The following CNTNAP2 variants were observed in gnomAD, a reference collection of about 807,000 sequenced individuals.
CNTNAP2 encodes the protein contactin associated protein 2, also known as contactin-associated protein-like 2.
Under a neutral mutation model 155.2 loss-of-function variants are expected in CNTNAP2, and 98 were observed. The observed-to-expected ratio is 0.63, with a 90% CI of 0.54 to 0.75. The LOEUF is 0.75. Among genes scored for constraint, CNTNAP2 ranks in the 30% least tolerant of loss-of-function variants. The pLI, the probability that CNTNAP2 is intolerant of heterozygous loss-of-function variation, is 0.00. For synonymous variants in CNTNAP2, 651 were observed against 631.2 expected (o/e 1.03, Z -0.47); for missense variants, 1,727 against 1,688.1 (o/e 1.02, Z -0.40).
At chr7:146,484,958 A>T (rs1355701516) in intron 1 of CNTNAP2, among the ~76,000 whole-genome samples, 1 of 152,220 alleles carries the variant, frequency 6.6e-6, no homozygotes, top group African/African-American at 2.4e-5. Flanking sequence ...TGATAAGAAT[A>T]CAATGGCAAA....
chr7:147,560,307 A>G (rs916170821), intron 11 of CNTNAP2, among the ~76,000 whole-genome samples: 1 of 152,078 alleles, frequency 6.6e-6, no homozygotes, highest in Non-Finnish European at 1.5e-5. Flanking sequence ...TACCTTTTGA[A>G]TTACTTCCCT....
At chr7:148,161,273 T>G (rs1400772445) in intron 17 of CNTNAP2, among the ~76,000 whole-genome samples, 1 of 152,224 alleles carries the variant, frequency 6.6e-6, no homozygotes, top group Non-Finnish European at 1.5e-5. Context: ...GTTCTGTGTC[T>G]TCAGCGCTGC....
intron 1 of CNTNAP2, among the ~76,000 whole-genome samples, chr7:146,336,164 A>C (rs1338411715): frequency 4.7e-5 from 7 of 150,166 alleles, no homozygotes; most frequent in Non-Finnish European, 1.0e-4. Flanking sequence ...ACACCATTGC[A>C]CTCCAGCCTG....
rs756765232 is a variant in CNTNAP2, at chr7:147,639,242, T to A, written c.2034T>A (p.Ser678Arg). Reference protein sequence around the residue: ...SMDQISAITDSAEYCEQYVSY... With the variant: ...SMDQISAITDRAEYCEQYVSY... ...ACCAGATAAGTGCCATCACTGACAG[T>A]GCCGAGTACTGCGAGCAGTATGTCT... Residue 678 changes from serine to arginine, a missense_variant, in exon 13 of 24, where the codon AGT (serine) becomes AGA (arginine). Physicochemically the swap from Ser to Arg is moderately radical, Grantham distance 110. Transcript: ENST00000361727. The A allele has an allele frequency of 1.2e-6, 2 of 1,614,102 alleles. No individual in the cohort carries two copies. The highest frequency in any genetic ancestry group is 1.7e-6 in the Non-Finnish European group (2 of 1,179,994).
chr7:147,426,929 A>T (rs1481387892), intron 10 of CNTNAP2, among the ~76,000 whole-genome samples: 2 of 152,198 alleles, frequency 1.3e-5, no homozygotes, highest in Non-Finnish European at 2.9e-5. Flanking sequence ...GGTTTTTGAT[A>T]ATCAACTGTC....
chr7:146,344,528 G>A (rs960095300), intron 1 of CNTNAP2, among the ~76,000 whole-genome samples: 26 of 147,072 alleles, frequency 1.8e-4, no homozygotes, highest in Admixed American at 6.1e-4. Flanking sequence ...AGCCCAGGCT[G>A]GAGTTCAATG....
At chr7:147,339,076 T>C (rs1036207533) in intron 9 of CNTNAP2, among the ~76,000 whole-genome samples, 5 of 152,200 alleles carry the variant, frequency 3.3e-5, no homozygotes, top group Admixed American at 6.6e-5. Context: ...TCTATCATCA[T>C]TGAAATGTCT....
intron 4 of CNTNAP2, among the ~76,000 whole-genome samples, chr7:147,074,003 T>C (rs989840241): frequency 6.6e-6 from 1 of 152,168 alleles, no homozygotes; most frequent in African/African-American, 2.4e-5. Flanking sequence ...CAGCCTGCTT[T>C]TGGAATCAAG....
At chr7:146,623,412 C>T (rs1205659052) in intron 1 of CNTNAP2, among the ~76,000 whole-genome samples, 3 of 152,000 alleles carry the variant, frequency 2.0e-5, no homozygotes, top group Non-Finnish European at 4.4e-5. Flanking sequence ...AAAAAAATGC[C>T]CTGTGCTTTG....
chr7:147,815,896 T>C (rs1798256958), intron 13 of CNTNAP2, among the ~76,000 whole-genome samples: 1 of 152,170 alleles, frequency 6.6e-6, no homozygotes, highest in Non-Finnish European at 1.5e-5. Flanking sequence ...AGTTCAGAGC[T>C]CACCAGTACT....
At chr7:146,248,592 C>T (rs1012512707) in intron 1 of CNTNAP2, among the ~76,000 whole-genome samples, 25 of 151,936 alleles carry the variant, frequency 1.6e-4, no homozygotes, top group Non-Finnish European at 2.9e-4. Flanking sequence ...TGACGTGTGG[C>T]GCCAAGATTG....
intron 3 of CNTNAP2, among the ~76,000 whole-genome samples, chr7:146,988,402 T>C (rs1798153057): frequency 6.6e-6 from 1 of 152,100 alleles, no homozygotes; most frequent in South Asian, 2.1e-4. Context: ...AGCCACTATA[T>C]AGGTTTTGTC....
At chr7:146,257,911 G>A (rs918764522) in intron 1 of CNTNAP2, among the ~76,000 whole-genome samples, 3 of 151,756 alleles carry the variant, frequency 2.0e-5, no homozygotes, top group African/African-American at 7.3e-5. Flanking sequence ...TGGAGACGTG[G>A]TCTTGCTCTG....
intron 1 of CNTNAP2, among the ~76,000 whole-genome samples, chr7:146,188,238 A>G (rs1798650891): frequency 6.6e-6 from 1 of 152,148 alleles, no homozygotes; most frequent in African/African-American, 2.4e-5. Context: ...AATTCAGCCC[A>G]TTCTTCTTGA....
chr7:146,123,699 A>G (rs1469891103), intron 1 of CNTNAP2, among the ~76,000 whole-genome samples: 1 of 55,586 alleles, frequency 1.8e-5, no homozygotes, highest in Non-Finnish European at 5.8e-5. Context: ...GAATACATGA[A>G]AAAAATAATA....
chr7:147,277,113 T>C (rs1158561912), intron 8 of CNTNAP2, among the ~76,000 whole-genome samples: 1 of 152,050 alleles, frequency 6.6e-6, no homozygotes, highest in Non-Finnish European at 1.5e-5. Context: ...CAATGACAGC[T>C]AGTATTCCGT....
At chr7:147,133,436 ACT>A (rs1398852972) in intron 8 of CNTNAP2, among the ~76,000 whole-genome samples, 10 of 151,712 alleles carry the variant, frequency 6.6e-5, no homozygotes, top group African/African-American at 2.4e-4. Flanking sequence ...GTGACCATGG[ACT>A]CTGATTTCTG....
intron 13 of CNTNAP2, among the ~76,000 whole-genome samples, chr7:147,685,599 GA>G (rs796144144): frequency 3.4e-5 from 5 of 147,862 alleles, no homozygotes; most frequent in Admixed American, 2.7e-4. Context: ...ATAACACAGT[GA>G]AAAAAAAACA....
intron 9 of CNTNAP2, among the ~76,000 whole-genome samples, chr7:147,342,084 G>C (rs1289038794): frequency 6.6e-6 from 1 of 152,062 alleles, no homozygotes; most frequent in East Asian, 1.9e-4. Context: ...ACATGACTGA[G>C]AGAGACTGGA....
Sources: allele counts gnomAD v4.1 joint callset (sites outside exome capture counted in the v4.1 genomes callset), GRCh38; gene constraint gnomAD v4.1.1; transcripts MANE v1.5; gene names NCBI Gene and HGNC (gene_info 2026-07-23, HGNC 2026-07-21).